CTIF: variants seen among roughly 807,000 people sequenced by gnomAD.
CTIF encodes the protein CBP80/20-dependent translation initiation factor.
Under a neutral mutation model 66.0 loss-of-function variants are expected in CTIF, and 21 were observed. The observed-to-expected ratio is 0.32, with a 90% CI of 0.23 to 0.46. The LOEUF (loss-of-function observed/expected upper bound fraction) is 0.46, where lower values mean the gene tolerates loss of function less well. CTIF is among the 20% of genes least tolerant of loss of function. The pLI is 1.00. For synonymous variants in CTIF, 345 were observed against 326.4 expected, an observed-to-expected ratio of 1.06 and a Z score of -0.62; for missense variants, 739 against 812.7, an observed-to-expected ratio of 0.91 and a Z score of 1.10.
intron 10 of CTIF, among the ~76,000 whole-genome samples, chr18:48,840,373 G>A (rs929842405): frequency 1.3e-5 from 2 of 150,652 alleles, no homozygotes; most frequent in African/African-American, 5.0e-5. Flanking sequence ...CTGGTCAGTT[G>A]AACACAGTGA....
At chr18:48,772,379 C>T (rs1038700175) in intron 9 of CTIF, among the ~76,000 whole-genome samples, 3 of 151,948 alleles carry the variant, frequency 2.0e-5, no homozygotes, top group South Asian at 2.1e-4. Flanking sequence ...AGCAGTACCC[C>T]GCATACCTAC....
chr18:48,613,295 T>C (rs556322522), intron 1 of CTIF, among the ~76,000 whole-genome samples: 4 of 152,138 alleles, frequency 2.6e-5, no homozygotes, highest in Admixed American at 6.5e-5. Context: ...ACCTCCTGCC[T>C]CTGAAGGTCA....
intron 1 of CTIF, among the ~76,000 whole-genome samples, chr18:48,604,741 A>G (rs1349056315): frequency 6.6e-6 from 1 of 152,178 alleles, no homozygotes; most frequent in Admixed American, 6.5e-5. Context: ...CACCTTCATC[A>G]CCTCTAAAAG....
chr18:48,628,760 T>C (rs2090648017), intron 2 of CTIF, among the ~76,000 whole-genome samples: 1 of 152,222 alleles, frequency 6.6e-6, no homozygotes, highest in African/African-American at 2.4e-5. Context: ...AAGCATTCTC[T>C]ACAACAGGAA....
At chr18:48,572,786 G>A (rs1039499166) in intron 1 of CTIF, among the ~76,000 whole-genome samples, 2 of 152,016 alleles carry the variant, frequency 1.3e-5, no homozygotes, top group African/African-American at 4.8e-5. Context: ...CCAGGAGTTC[G>A]AGACCAGCTT....
At chr18:48,782,197 T>TG (rs1219567729) in intron 9 of CTIF, among the ~76,000 whole-genome samples, 14 of 151,180 alleles carry the variant, frequency 9.3e-5, no homozygotes, top group Admixed American at 9.2e-4. Context: ...GCTCTCTGGG[T>TG]GGGGGTGTTT....
At chr18:48,853,443 C>T (rs570501482) in intron 10 of CTIF, among the ~76,000 whole-genome samples, 19 of 152,166 alleles carry the variant, frequency 1.2e-4, no homozygotes, top group Non-Finnish European at 2.1e-4. Context: ...GGGTGGGATG[C>T]GAGACCCCGA....
In CTIF at chr18:48,626,000, C is replaced by CTTTTTTTTTTTTT. The variant is rs74174709; in HGVS notation, c.180+6262_180+6274dup. ...CACATTGTCTTATTTCTTTTTCTTT[C>CTTTTTTTTTTTTT]TTTTTTTTTTTTTTTTTTTGAGATG... On this transcript the variant is annotated intron_variant, in intron 2 of 11. Transcript: ENST00000256413. 2.3e-4 allele frequency among the ~76,000 whole-genome samples: 25 copies of CTTTTTTTTTTTTT among 109,138 alleles called. 1 individual carries two copies. The highest frequency in any genetic ancestry group is 3.5e-4 in the African/African-American group (9 of 25,608). 71.6% of individuals were successfully genotyped at this position (109,138 alleles called of 152,430 possible). A position where few individuals can be genotyped will look rare whatever the true frequency, so the allele number is the denominator to read the frequency against.
At chr18:48,802,703 C>T (rs949844960) in intron 9 of CTIF, among the ~76,000 whole-genome samples, 7 of 152,200 alleles carry the variant, frequency 4.6e-5, no homozygotes, top group Non-Finnish European at 1.0e-4. Context: ...AAGATCAGGG[C>T]GCCAGCACGG....
chr18:48,724,407 C>G (rs531999001), intron 7 of CTIF, among the ~76,000 whole-genome samples: 267 of 152,310 alleles, frequency 1.8e-3, no homozygotes, highest in African/African-American at 6.2e-3. Context: ...TCGCTGTGCT[C>G]TCCAGACCCC....
intron 10 of CTIF, among the ~76,000 whole-genome samples, chr18:48,835,944 C>A (rs2068798963): frequency 6.6e-6 from 1 of 152,156 alleles, no homozygotes; most frequent in Non-Finnish European, 1.5e-5. Context: ...TCCCAGCTCC[C>A]TGTTTGCATT....
intron 9 of CTIF, among the ~76,000 whole-genome samples, chr18:48,815,496 C>G (rs2068343683): frequency 6.6e-6 from 1 of 152,222 alleles, no homozygotes; most frequent in African/African-American, 2.4e-5. Context: ...GCTGCTGTTA[C>G]TGTTTTACAT....
At chr18:48,651,215 T>C (rs891364094) in intron 3 of CTIF, among the ~76,000 whole-genome samples, 3 of 151,604 alleles carry the variant, frequency 2.0e-5, no homozygotes, top group African/African-American at 7.3e-5. Context: ...GGATAAAGAG[T>C]CAAAACCCAT....
chr18:48,637,798 C>T lies in CTIF; in HGVS notation c.252+1113C>T, dbSNP rs369521029. 2.6e-5 allele frequency among the ~76,000 whole-genome samples: 4 copies of T among 152,178 alleles called. No individual in the cohort carries two copies. In the South Asian group the frequency reaches 8.3e-4, roughly 32 times the overall value. On this transcript the variant is annotated intron_variant, in intron 3 of 11. Transcript: ENST00000256413. ...CTTAAGAAGGAGGCCATAATAAGAG[C>T]CCCGGGGGTGGGGGGTGATGGGAGA... is the stretch of plus-strand genomic sequence containing the variant.
chr18:48,761,592 G>A lies in CTIF; in HGVS notation c.1274G>A (p.Arg425His). ...ATCTACCAGAAGGCTGTGTCCGACC[G>A]CAGCTTCGCCTTCACCGCTGCCAAG... ...RTIYQKAVSDRSFAFTAAKLC... is the reference protein window; with the variant it reads ...RTIYQKAVSDHSFAFTAAKLC... The change falls in exon 9 of 12, where the codon CGC becomes CAC. Residue 425 changes from arginine to histidine, a missense_variant. Physicochemically the swap from Arg to His is conservative, Grantham distance 29. This residue lies in a region of CTIF where 210 missense variants were observed against 292.3 expected (regional missense o/e 0.72). Transcript: ENST00000256413. The surrounding 1 kb of genome is among the most constrained non-coding windows in gnomAD (Gnocchi z 4.2). 2 of 1,614,190 alleles carry A rather than the reference G, an allele frequency of 1.2e-6. No individual in the cohort carries two copies. The highest frequency in any genetic ancestry group is 1.7e-6 in the Non-Finnish European group (2 of 1,180,030).
At chr18:48,820,000 C>T (rs747623677) in intron 10 of CTIF, among the ~76,000 whole-genome samples, 41 of 152,306 alleles carry the variant, frequency 2.7e-4, no homozygotes, top group African/African-American at 9.4e-4. Context: ...CGGGGCACGG[C>T]GTCTGGCAGA....
chr18:48,554,445 G>T (rs574769704), intron 1 of CTIF, among the ~76,000 whole-genome samples: 1 of 152,346 alleles, frequency 6.6e-6, no homozygotes, highest in African/African-American at 2.4e-5. Flanking sequence ...CCAGGCCGAG[G>T]CAGGCACTGC....
intron 3 of CTIF, among the ~76,000 whole-genome samples, chr18:48,660,330 C>T (rs1478552386): frequency 6.6e-6 from 1 of 152,202 alleles, no homozygotes; most frequent in Non-Finnish European, 1.5e-5. Flanking sequence ...ACCTGCTCCC[C>T]AGCTGGGCCA....
At chr18:48,585,929 AG>A (rs2089757847) in intron 1 of CTIF, among the ~76,000 whole-genome samples, 1 of 152,174 alleles carries the variant, frequency 6.6e-6, no homozygotes, top group Non-Finnish European at 1.5e-5. Context: ...AAATCTTTAT[AG>A]TTGAGTTTTA....
Sources: allele counts gnomAD v4.1 joint callset (sites outside exome capture counted in the v4.1 genomes callset), GRCh38; gene constraint gnomAD v4.1.1; regional missense constraint gnomAD v4.1.1; non-coding constraint Gnocchi (gnomAD v3.1); transcripts MANE v1.5; gene names NCBI Gene and HGNC (gene_info 2026-07-23, HGNC 2026-07-21).